Variants in OTOGL observed in about 807,000 individuals in gnomAD.
OTOGL encodes otogelin-like protein.
Under a neutral mutation model 318.5 loss-of-function variants are expected in OTOGL, and 285 were observed. That is an observed-to-expected ratio of 0.89 (90% CI 0.81 to 0.99). OTOGL has a LOEUF of 0.99. Among genes scored for constraint, OTOGL ranks in the 50% least tolerant of loss-of-function variants. The pLI is 0.00. For missense variants in OTOGL, 2,899 were observed against 2,845.6 expected, an observed-to-expected ratio of 1.02 and a Z score of -0.43; for synonymous variants, 987 against 936.5, an observed-to-expected ratio of 1.05 and a Z score of -0.99.
At chr12:80,183,155 G>A (rs1017513362) in intron 1 of OTOGL, among the ~76,000 whole-genome samples, 6 of 152,150 alleles carry the variant, frequency 3.9e-5, no homozygotes, top group African/African-American at 1.4e-4. Context: ...AGCACACACT[G>A]CATAAACATG....
chr12:80,349,152 G>A (rs1026245246), intron 44 of OTOGL, among the ~76,000 whole-genome samples: 5 of 151,770 alleles, frequency 3.3e-5, no homozygotes, highest in African/African-American at 1.2e-4. Flanking sequence ...TAAAAACATC[G>A]AGCAGAAACT....
Position 80,347,311 on chromosome 12 carries a change from C to T in OTOGL, c.5266-4984C>T, listed in dbSNP as rs116498421. Among the ~76,000 whole-genome samples the T allele has an allele frequency of 5.1e-3, 782 of 152,022 alleles. 6 individuals carry two copies. The highest frequency in any genetic ancestry group is 0.018 in the African/African-American group (755 of 41,470). On this transcript the variant is annotated intron_variant, in intron 44 of 58. Transcript: ENST00000547103. The stretch of plus-strand genomic sequence containing the variant: ...CTCCCTCCCCTAGTCCCCCACCCCC[C>T]GACGGGTTGTATGATGTTCCCCTCC...
At chr12:80,357,314 A>G (rs1241148100) in intron 49 of OTOGL, among the ~76,000 whole-genome samples, 1 of 152,194 alleles carries the variant, frequency 6.6e-6, no homozygotes, top group Non-Finnish European at 1.5e-5. Context: ...GATGATCTCA[A>G]AAAAGAATGG....
Position 80,251,705 on chromosome 12 carries a change from T to C in OTOGL, c.1065T>C (p.Asp355=). The C allele has an allele frequency of 6.3e-7, 1 of 1,587,634 alleles. No individual in the cohort carries two copies. Among genetic ancestry groups the C allele is most frequent in the Non-Finnish European group, 8.6e-7 (1 of 1,165,634 alleles). ...TTTCACTTTCTAGAACTGATGATGA[T>C]GAAACCTATTGCCGAGCAGCCACTG... The part of the protein sequence containing the change: ...CVNDLCKTDD[D]ETYCRAATEY... Residue 355 remains aspartate, a synonymous_variant, in exon 12 of 59, where the codon GAT becomes GAC. Transcript: ENST00000547103.
At chr12:80,235,062 G>A (rs7133439) in intron 9 of OTOGL, among the ~76,000 whole-genome samples, 6,718 of 152,118 alleles carry the variant, frequency 0.044, 488 homozygotes, top group African/African-American at 0.15. Flanking sequence ...TTTGGATGCA[G>A]GCAGAATGAG....
At chr12:80,167,816 A>G (rs1223100611) in intron 1 of OTOGL, among the ~76,000 whole-genome samples, 1 of 146,058 alleles carries the variant, frequency 6.8e-6, no homozygotes, top group Non-Finnish European at 1.5e-5. Flanking sequence ...CTTACCACAT[A>G]GCGGAAAAAA....
At chr12:80,307,674 C>T (rs1886262013) in intron 29 of OTOGL, among the ~76,000 whole-genome samples, 1 of 145,156 alleles carries the variant, frequency 6.9e-6, no homozygotes, top group African/African-American at 2.6e-5. Flanking sequence ...CTCCTCACTT[C>T]CCAGTAGGGG....
At chr12:80,284,341 G>T (rs533675076) in intron 26 of OTOGL, among the ~76,000 whole-genome samples, 2 of 152,032 alleles carry the variant, frequency 1.3e-5, no homozygotes, top group Non-Finnish European at 2.9e-5. Flanking sequence ...ATAAACATAC[G>T]TGTGCATGTG....
At chr12:80,356,302 G>A in intron 47 of OTOGL, 114 bp from the exon 48 acceptor site, 2 of 763,236 alleles carry the variant, frequency 2.6e-6, no homozygotes, top group East Asian at 2.6e-5. Context: ...TGCATAATGA[G>A]AGTCATTTCC....
intron 18 of OTOGL, among the ~76,000 whole-genome samples, chr12:80,259,004 G>A (rs1171293034): frequency 6.6e-6 from 1 of 151,952 alleles, no homozygotes. Flanking sequence ...TGATGCACAT[G>A]TTCATTAGCT....
chr12:80,377,247 T>G, intron 58 of OTOGL, 45 bp downstream of exon 58: 5 of 1,438,896 alleles, frequency 3.5e-6, no homozygotes, highest in Non-Finnish European at 4.8e-6. Flanking sequence ...ACACATCTTT[T>G]TAGAAAGTAT....
intron 4 of OTOGL, among the ~76,000 whole-genome samples, chr12:80,213,405 A>G (rs1392706498): frequency 6.6e-6 from 1 of 152,076 alleles, no homozygotes; most frequent in African/African-American, 2.4e-5. Flanking sequence ...TATGACCTGT[A>G]TCTTGTGATG....
chr12:80,356,826 C>T lies in OTOGL; in HGVS notation c.5931C>T (p.Cys1977=), dbSNP rs755148842. 9 of 1,593,642 alleles carry T rather than the reference C, an allele frequency of 5.6e-6. No homozygotes were observed. Among genetic ancestry groups the T allele is most frequent in the Non-Finnish European group, 6.8e-6 (8 of 1,170,550 alleles). The change falls in exon 49 of 59, where the codon TGC becomes TGT. Residue 1977 remains cysteine, a synonymous_variant. Coordinates refer to ENST00000547103, the MANE Select transcript of OTOGL (RefSeq NM_001378609.3). The stretch of plus-strand genomic sequence containing the variant: ...CTGCAGAATGTGACCCATTGAAATG[C>T]CCCAGTATTTCAACACCAGAATGCA... ...QYKCECDPLK[C]PSISTPECRE...
At chr12:80,285,233 C>T (rs1285103448) in intron 26 of OTOGL, among the ~76,000 whole-genome samples, 1 of 152,050 alleles carries the variant, frequency 6.6e-6, no homozygotes, top group East Asian at 1.9e-4. Context: ...TTCCATTGGT[C>T]TATATACCTG....
intron 26 of OTOGL, among the ~76,000 whole-genome samples, chr12:80,281,424 A>G (rs1370292418): frequency 6.6e-6 from 1 of 152,042 alleles, no homozygotes; most frequent in African/African-American, 2.4e-5. Context: ...ATTTTATCCA[A>G]AGCTTTTTCC....
chr12:80,189,420 C>G, intron 1 of OTOGL: 12 of 985,312 alleles, frequency 1.2e-5, no homozygotes, highest in Non-Finnish European at 1.4e-5. Flanking sequence ...AAGACCCAAG[C>G]AGCTGGGAAG....
intron 3 of OTOGL, 45 bp downstream of exon 3, chr12:80,210,931 T>C: frequency 2.2e-6 from 3 of 1,351,400 alleles, no homozygotes; most frequent in Non-Finnish European, 3.0e-6. Flanking sequence ...ATAAAGTTAA[T>C]GGGAATGAGC....
intron 1 of OTOGL, among the ~76,000 whole-genome samples, chr12:80,147,743 A>T (rs1005394946): frequency 5.9e-5 from 9 of 152,094 alleles, no homozygotes; most frequent in Non-Finnish European, 1.0e-4. Context: ...GTGCTCCTGT[A>T]TTGGGTGCAT....
chr12:80,292,915 C>G (rs533506652), intron 26 of OTOGL, among the ~76,000 whole-genome samples: 2 of 152,130 alleles, frequency 1.3e-5, no homozygotes, highest in Non-Finnish European at 2.9e-5. Context: ...ATGTCTGTCT[C>G]GGACTTCAGG....
Sources: gnomAD v4.1 joint callset for allele counts (sites outside exome capture counted in the v4.1 genomes callset) on GRCh38, gnomAD v4.1.1 for gene constraint, MANE v1.5 for transcripts, NCBI Gene and HGNC (gene_info 2026-07-23, HGNC 2026-07-21) for gene names.